Variants in PTPRD observed in about 807,000 individuals in gnomAD.
PTPRD encodes protein tyrosine phosphatase receptor type D, also known as receptor-type tyrosine-protein phosphatase delta.
PTPRD carries 34 observed loss-of-function variants against 214.5 expected under a neutral mutation model. The ratio of observed to expected loss-of-function variants is 0.16; its 90% CI spans 0.12 to 0.21. The LOEUF (loss-of-function observed/expected upper bound fraction) is 0.21, where lower values mean the gene tolerates loss of function less well. Ranked by LOEUF, PTPRD falls within the 10% of genes least tolerant of loss-of-function variation. The pLI is 1.00. For missense variants in PTPRD, 2,545 were observed against 2,398.7 expected (o/e 1.06, Z -1.27); for synonymous variants, 1,128 against 845.7 (o/e 1.33, Z -5.79).
chr9:9,140,335 G>T (rs1051345203), intron 10 of PTPRD, among the ~76,000 whole-genome samples: 3 of 152,090 alleles, frequency 2.0e-5, no homozygotes, highest in African/African-American at 7.2e-5. Flanking sequence ...CTTGGTATAT[G>T]TGTACATACC....
At chr9:9,827,497 A>G (rs1157111125) in intron 5 of PTPRD, among the ~76,000 whole-genome samples, 1 of 152,228 alleles carries the variant, frequency 6.6e-6, no homozygotes, top group African/African-American at 2.4e-5. Flanking sequence ...ACTTTATACA[A>G]AAATTAATTC....
chr9:8,496,211 A>ACACACACACAAAC (rs1554641959), intron 26 of PTPRD, among the ~76,000 whole-genome samples: 10 of 91,516 alleles, frequency 1.1e-4, no homozygotes, highest in African/African-American at 3.6e-4. Context: ...CACACACACA[A>ACACACACACAAAC]ACACACACAC....
At chr9:9,119,636 G>T (rs893341448) in intron 10 of PTPRD, among the ~76,000 whole-genome samples, 1 of 151,766 alleles carries the variant, frequency 6.6e-6, no homozygotes, top group African/African-American at 2.4e-5. Context: ...CGATTCTCCT[G>T]CCTCAGCCTC....
chr9:8,751,894 T>C (rs980169390), intron 11 of PTPRD, among the ~76,000 whole-genome samples: 9 of 152,206 alleles, frequency 5.9e-5, no homozygotes, highest in Non-Finnish European at 1.2e-4. Context: ...CACCTTATTC[T>C]GCTTCTCAAG....
chr9:9,876,625 G>A (rs1269624977), intron 5 of PTPRD, among the ~76,000 whole-genome samples: 2 of 152,128 alleles, frequency 1.3e-5, no homozygotes, highest in South Asian at 4.1e-4. Context: ...TAGTGCAGTG[G>A]CACTATTTTT....
At chr9:10,460,405 AG>A (rs1328284908) in intron 2 of PTPRD, among the ~76,000 whole-genome samples, 1 of 152,066 alleles carries the variant, frequency 6.6e-6, no homozygotes, top group African/African-American at 2.4e-5. Context: ...AAACCACAAA[AG>A]ATCTTGAATA....
chr9:9,484,529 T>C (rs1199977275), intron 8 of PTPRD, among the ~76,000 whole-genome samples: 3 of 152,178 alleles, frequency 2.0e-5, no homozygotes, highest in East Asian at 1.9e-4. Flanking sequence ...TTCATGTTTG[T>C]TGCTGAATGT....
At chr9:8,711,845 A>T (rs143000157) in intron 12 of PTPRD, among the ~76,000 whole-genome samples, 3 of 152,358 alleles carry the variant, frequency 2.0e-5, no homozygotes, top group Non-Finnish European at 4.4e-5. Context: ...GGAATAAATA[A>T]AACTGTGATA....
intron 8 of PTPRD, among the ~76,000 whole-genome samples, chr9:9,438,631 T>A (rs573027871): frequency 6.6e-6 from 1 of 152,314 alleles, no homozygotes; most frequent in South Asian, 2.1e-4. Context: ...CCGAGCTTTA[T>A]CAAAATGATT....
chr9:10,588,006 T>C (rs1346303468), intron 2 of PTPRD, among the ~76,000 whole-genome samples: 1 of 152,010 alleles, frequency 6.6e-6, no homozygotes, highest in African/African-American at 2.4e-5. Context: ...CAAAAGATAA[T>C]TCCAGTACCA....
intron 4 of PTPRD, among the ~76,000 whole-genome samples, chr9:10,010,532 G>A (rs897059194): frequency 4.0e-5 from 6 of 151,834 alleles, no homozygotes; most frequent in African/African-American, 9.7e-5. Flanking sequence ...TCCATAGGAT[G>A]AGTTCCACAC....
chr9:9,382,000 C>T (rs2062447298), intron 9 of PTPRD, among the ~76,000 whole-genome samples: 2 of 151,986 alleles, frequency 1.3e-5, no homozygotes, highest in Admixed American at 6.6e-5. Context: ...CCAAATTCTC[C>T]AATCCATGAA....
At chr9:9,544,963 C>G (rs10977842) in intron 8 of PTPRD, among the ~76,000 whole-genome samples, 59,116 of 151,206 alleles carry the variant, frequency 0.39, 11,928 homozygotes, top group African/African-American at 0.44. Flanking sequence ...TAAATCTCAT[C>G]TTGTTGTTCT....
intron 5 of PTPRD, among the ~76,000 whole-genome samples, chr9:9,841,207 T>C (rs1422744830): frequency 6.6e-6 from 1 of 152,092 alleles, no homozygotes; most frequent in Non-Finnish European, 1.5e-5. Flanking sequence ...GGAGTAGTGG[T>C]AGTGGGGTTA....
chr9:10,095,007 T>C (rs977482095), intron 3 of PTPRD, among the ~76,000 whole-genome samples: 1 of 151,448 alleles, frequency 6.6e-6, no homozygotes, highest in Non-Finnish European at 1.5e-5. Context: ...ATAATAAACT[T>C]CTAAGCGGGG....
chr9:9,115,903 A>C (rs182151586), intron 10 of PTPRD, among the ~76,000 whole-genome samples: 9 of 152,292 alleles, frequency 5.9e-5, no homozygotes, highest in Admixed American at 5.2e-4. Context: ...AAAAGAATGA[A>C]ATTATATCCT....
At chr9:8,528,119 T>C (rs1243855929) in intron 15 of PTPRD, 2 of 270,816 alleles carry the variant, frequency 7.4e-6, no homozygotes, top group Non-Finnish European at 6.8e-6. Context: ...GTAGAAAAGA[T>C]AGCAGAAAAC....
chr9:10,234,702 G>A (rs891989306), intron 3 of PTPRD, among the ~76,000 whole-genome samples: 1 of 151,860 alleles, frequency 6.6e-6, no homozygotes, highest in Non-Finnish European at 1.5e-5. Flanking sequence ...AAATAAATAA[G>A]TGATCAAACT....
At chr9:8,840,385 T>C (rs933541362) in intron 11 of PTPRD, among the ~76,000 whole-genome samples, 3 of 152,228 alleles carry the variant, frequency 2.0e-5, no homozygotes, top group South Asian at 4.1e-4. Flanking sequence ...CTGCGATCCA[T>C]GTAAGAAGTA....
Sources: allele counts gnomAD v4.1 joint callset (sites outside exome capture counted in the v4.1 genomes callset), GRCh38; gene constraint gnomAD v4.1.1; transcripts MANE v1.5; gene names NCBI Gene and HGNC (gene_info 2026-07-23, HGNC 2026-07-21).